Variants in AK3 observed in about 807,000 individuals in gnomAD.
AK3 encodes the protein adenylate kinase 3.
AK3 carries 27 observed loss-of-function variants against 23.7 expected under a neutral mutation model. The observed-to-expected ratio is 1.14, with a 90% CI of 0.84 to 1.57. AK3 has a LOEUF of 1.57. Among genes scored for constraint, AK3 ranks in the 40% most tolerant of loss-of-function variants. The pLI, the probability that AK3 is intolerant of heterozygous loss-of-function variation, is 0.00. For missense variants in AK3, 406 were observed against 285.6 expected (o/e 1.42, Z -3.04); for synonymous variants, 159 against 116.0 (o/e 1.37, Z -2.38).
intron 4 of AK3, among the ~76,000 whole-genome samples, chr9:4,714,474 T>C (rs1004146003): frequency 2.0e-5 from 3 of 152,228 alleles, no homozygotes; most frequent in Non-Finnish European, 4.4e-5. Context: ...TACAGCATTC[T>C]TGGGATATTA....
At chr9:4,734,309 T>C (rs993309169) in intron 1 of AK3, among the ~76,000 whole-genome samples, 3 of 146,702 alleles carry the variant, frequency 2.0e-5, no homozygotes, top group African/African-American at 5.0e-5. Context: ...CCTCCAGAAC[T>C]ATAAGAAAAT....
chr9:4,725,682 G>T (rs12378955), intron 1 of AK3, among the ~76,000 whole-genome samples: 75,605 of 151,922 alleles, frequency 0.5, 20,144 homozygotes, highest in East Asian at 0.74. Context: ...AAATCATGTA[G>T]CTGGTAAGGA....
intron 1 of AK3, among the ~76,000 whole-genome samples, chr9:4,740,079 AAG>A (rs1842391929): frequency 1.5e-5 from 2 of 135,276 alleles, no homozygotes; most frequent in African/African-American, 6.6e-5. Flanking sequence ...AAAAAAAAAG[AAG>A]GAAAACAAAA....
intron 1 of AK3, among the ~76,000 whole-genome samples, chr9:4,727,314 C>A (rs1354179620): frequency 6.6e-6 from 1 of 152,162 alleles, no homozygotes; most frequent in Admixed American, 6.5e-5. Flanking sequence ...CATCTTTTTC[C>A]AATAGAAGGC....
rs1309660320 is a variant in AK3, at chr9:4,729,295, C to A, written c.152-6670G>T. Among the ~76,000 whole-genome samples the A allele has an allele frequency of 4.6e-5, 7 of 152,096 alleles. No homozygotes were observed. The East Asian group carries it at 1.3e-3, about 29-fold the overall frequency. Reference sequence around the variant, plus strand: ...AAAGTGCTGTGATTACAGGCATGAGCCACTGCACCCAGCTTAAATAAAATT... The same window carrying A: ...AAAGTGCTGTGATTACAGGCATGAGACACTGCACCCAGCTTAAATAAAATT... On this transcript the variant is annotated intron_variant, in intron 1 of 4. Coordinates refer to ENST00000381809, the MANE Select transcript of AK3 (RefSeq NM_016282.4).
At chr9:4,728,886 C>CATACATATAT (rs71326126) in intron 1 of AK3, among the ~76,000 whole-genome samples, 6 of 140,144 alleles carry the variant, frequency 4.3e-5, no homozygotes, top group East Asian at 2.0e-4. Flanking sequence ...CACACACATA[C>CATACATATAT]ATATATATAC....
chr9:4,720,488 AGCC>A, intron 2 of AK3, among the ~76,000 whole-genome samples: 1 of 152,272 alleles, frequency 6.6e-6, no homozygotes, highest in East Asian at 1.9e-4. Context: ...GTTTGAGACC[AGCC>A]TGGGCAACAT....
intron 1 of AK3, among the ~76,000 whole-genome samples, chr9:4,732,107 G>C (rs1842167801): frequency 8.4e-6 from 1 of 118,560 alleles, no homozygotes; most frequent in African/African-American, 2.6e-5. Context: ...ACACCACAAT[G>C]CCTGGCTAAT....
chr9:4,735,943 C>T (rs993227456), intron 1 of AK3, among the ~76,000 whole-genome samples: 40 of 144,162 alleles, frequency 2.8e-4, no homozygotes, highest in African/African-American at 9.6e-4. Context: ...GGTGAAACCC[C>T]ATCTCTACTA....
At chr9:4,733,928 T>G (rs948802461) in intron 1 of AK3, among the ~76,000 whole-genome samples, 24 of 152,242 alleles carry the variant, frequency 1.6e-4, no homozygotes, top group Non-Finnish European at 2.9e-4. Context: ...AACTGGAAGC[T>G]CCCCCTCTGG....
chr9:4,729,159 C>T (rs1011421611), intron 1 of AK3, among the ~76,000 whole-genome samples: 15 of 151,484 alleles, frequency 9.9e-5, no homozygotes, highest in African/African-American at 2.2e-4. Context: ...TACAGGCATG[C>T]GCCACCACAG....
rs1371285496 is a variant in AK3, at chr9:4,728,974, CCTACATATATAT to C, written c.152-6361_152-6350del. On this transcript the variant is annotated intron_variant, in intron 1 of 4. Transcript: ENST00000381809. ...ATATATATACACATACATATATATA[CCTACATATATAT>C]ACACACACACACATATATATATATA... is the stretch of plus-strand genomic sequence containing the variant. Among the ~76,000 whole-genome samples, 275 of 134,214 alleles carry C rather than the reference CCTACATATATAT, an allele frequency of 2.0e-3. 3 individuals are homozygous for C. The highest frequency in any genetic ancestry group is 3.1e-3 in the Non-Finnish European group (200 of 64,312). The allele number at this position is 134,214 out of a possible 152,430, so 88.0% of individuals were successfully genotyped here. A position where few individuals can be genotyped will look rare whatever the true frequency, so the allele number is the denominator to read the frequency against.
chr9:4,722,375 T>G, intron 2 of AK3, 131 bp downstream of exon 2: 1 of 1,298,564 alleles, frequency 7.7e-7, no homozygotes, highest in Non-Finnish European at 1.1e-6. Flanking sequence ...ATGACTGGTT[T>G]CAGGATAGTC....
At chr9:4,728,758 G>C (rs1842074721) in intron 1 of AK3, among the ~76,000 whole-genome samples, 1 of 150,398 alleles carries the variant, frequency 6.6e-6, no homozygotes, top group Non-Finnish European at 1.5e-5. Context: ...CACTTTGGGA[G>C]GCCAAGGAAG....
chr9:4,721,694 G>C (rs1442010234), intron 2 of AK3, among the ~76,000 whole-genome samples: 1 of 152,230 alleles, frequency 6.6e-6, no homozygotes, highest in Admixed American at 6.5e-5. Context: ...CCTGACCTCA[G>C]GTGATCCGCC....
chr9:4,721,143 T>C (rs763393323), intron 2 of AK3, among the ~76,000 whole-genome samples: 1 of 152,104 alleles, frequency 6.6e-6, no homozygotes, highest in Non-Finnish European at 1.5e-5. Flanking sequence ...TGGCTCATAC[T>C]TGCAATCCCA....
intron 1 of AK3, among the ~76,000 whole-genome samples, chr9:4,740,668 C>T (rs897797659): frequency 6.6e-6 from 1 of 152,176 alleles, no homozygotes; most frequent in Non-Finnish European, 1.5e-5. Context: ...AAACAAAGCC[C>T]GGTGGTTTCC....
At chr9:4,719,021 T>A in intron 3 of AK3, 114 bp downstream of exon 3, 1 of 1,209,710 alleles carries the variant, frequency 8.3e-7, no homozygotes, top group East Asian at 2.4e-5. Context: ...AACCTGAGAA[T>A]ATACCCTCAG....
At chr9:4,720,349 G>GA (rs1014824463) in intron 2 of AK3, among the ~76,000 whole-genome samples, 1 of 152,034 alleles carries the variant, frequency 6.6e-6, no homozygotes, top group Admixed American at 6.6e-5. Context: ...CAGAATACCA[G>GA]AAAAAAATTA....
Sources: allele counts gnomAD v4.1 joint callset (sites outside exome capture counted in the v4.1 genomes callset), GRCh38; gene constraint gnomAD v4.1.1; transcripts MANE v1.5; gene names NCBI Gene and HGNC (gene_info 2026-07-23, HGNC 2026-07-21).